The following ITSN1 variants were observed in gnomAD, a reference collection of about 807,000 sequenced individuals.
ITSN1 encodes the protein intersectin-1.
ITSN1 carries 58 observed loss-of-function variants against 239.8 expected under a neutral mutation model. The ratio of observed to expected loss-of-function variants is 0.24; its 90% CI spans 0.20 to 0.30. The LOEUF (loss-of-function observed/expected upper bound fraction) is 0.30, where lower values mean the gene tolerates loss of function less well. Ranked by LOEUF, ITSN1 falls within the 10% of genes least tolerant of loss-of-function variation. ITSN1 has a pLI of 1.00. For missense variants in ITSN1, 1,558 were observed against 2,103.3 expected, an observed-to-expected ratio of 0.74 and a Z score of 5.07; for synonymous variants, 780 against 770.8, an observed-to-expected ratio of 1.01 and a Z score of -0.20.
intron 1 of ITSN1, among the ~76,000 whole-genome samples, chr21:33,676,225 C>T (rs2090583058): frequency 6.6e-6 from 1 of 151,980 alleles, no homozygotes; most frequent in Non-Finnish European, 1.5e-5. Flanking sequence ...TTAGGTGATC[C>T]CTCCGCTTCG....
intron 28 of ITSN1, among the ~76,000 whole-genome samples, chr21:33,834,686 TTA>T (rs2074499789): frequency 6.6e-6 from 1 of 152,184 alleles, no homozygotes; most frequent in Non-Finnish European, 1.5e-5. Context: ...TGCTGTGGCA[TTA>T]AGGCCACATT....
intron 28 of ITSN1, 38 bp from the exon 29 acceptor site, chr21:33,836,403 C>T (rs369389684): frequency 4.0e-6 from 6 of 1,481,568 alleles, no homozygotes; most frequent in African/African-American, 2.8e-5. Context: ...CATTCTCCGG[C>T]GGGTGTGCAG....
At chr21:33,807,077 C>G (rs1267926680) in intron 20 of ITSN1, among the ~76,000 whole-genome samples, 1 of 152,148 alleles carries the variant, frequency 6.6e-6, no homozygotes, top group African/African-American at 2.4e-5. Context: ...TTGATGTATA[C>G]TTGTAAGAGT....
At chr21:33,848,022 C>CCA (rs1268916237) in intron 29 of ITSN1, among the ~76,000 whole-genome samples, 1 of 152,214 alleles carries the variant, frequency 6.6e-6, no homozygotes, top group Non-Finnish European at 1.5e-5. Context: ...AACTCCAGGG[C>CCA]CACAGCCCCG....
chr21:33,771,409 G>T (rs2069149003), intron 11 of ITSN1, among the ~76,000 whole-genome samples: 1 of 152,106 alleles, frequency 6.6e-6, no homozygotes, highest in South Asian at 2.1e-4. Context: ...AATAGACACT[G>T]CTGAGGACAG....
At chr21:33,811,641 A>G (rs138326676) in intron 21 of ITSN1, among the ~76,000 whole-genome samples, 7 of 152,348 alleles carry the variant, frequency 4.6e-5, no homozygotes, top group African/African-American at 1.7e-4. Context: ...GTGGTTCTGA[A>G]TAAGATAGAA....
intron 5 of ITSN1, among the ~76,000 whole-genome samples, chr21:33,741,430 A>C (rs938726820): frequency 6.6e-6 from 1 of 152,206 alleles, no homozygotes; most frequent in Non-Finnish European, 1.5e-5. Flanking sequence ...GGATATGTAA[A>C]GTTAATCTGA....
chr21:33,652,153 C>T (rs1024298585), intron 1 of ITSN1, among the ~76,000 whole-genome samples: 3 of 151,852 alleles, frequency 2.0e-5, no homozygotes, highest in South Asian at 2.1e-4. Flanking sequence ...CTACTTAGCC[C>T]GGGAGAGTTG....
intron 1 of ITSN1, among the ~76,000 whole-genome samples, chr21:33,655,072 A>G (rs927866084): frequency 6.6e-6 from 1 of 151,676 alleles, no homozygotes; most frequent in African/African-American, 2.4e-5. Flanking sequence ...TTTTCTCCAT[A>G]TAATAACATC....
chr21:33,658,566 C>T (rs895542407), intron 1 of ITSN1, among the ~76,000 whole-genome samples: 1 of 152,190 alleles, frequency 6.6e-6, no homozygotes, highest in Admixed American at 6.5e-5. Flanking sequence ...CTGTTACAAT[C>T]TTACGGGACC....
intron 1 of ITSN1, among the ~76,000 whole-genome samples, chr21:33,707,085 G>C (rs779307963): frequency 2.0e-5 from 3 of 152,084 alleles, no homozygotes; most frequent in Non-Finnish European, 4.4e-5. Context: ...TCTGTGTTGA[G>C]GCATATCAAG....
chr21:33,871,726 C>G (rs999847565), intron 33 of ITSN1, among the ~76,000 whole-genome samples: 1 of 146,798 alleles, frequency 6.8e-6, no homozygotes, highest in Non-Finnish European at 1.5e-5. Flanking sequence ...GGCGACAGAG[C>G]GAGACTCAGT....
intron 14 of ITSN1, among the ~76,000 whole-genome samples, chr21:33,777,838 A>G (rs540258902): frequency 6.6e-6 from 1 of 152,264 alleles, no homozygotes; most frequent in South Asian, 2.1e-4. Context: ...CTCCCATACT[A>G]TATTGGATAG....
chr21:33,732,915 A>C (rs142643578), intron 4 of ITSN1, among the ~76,000 whole-genome samples: 12 of 152,326 alleles, frequency 7.9e-5, no homozygotes, highest in African/African-American at 2.9e-4. Context: ...AATTTTATTA[A>C]AGGAAATAGT....
Position 33,873,858 on chromosome 21 carries a change from C to T in ITSN1, c.4174-1496C>T, listed in dbSNP as rs996148246. 1.7e-4 allele frequency among the ~76,000 whole-genome samples: 24 copies of T among 143,440 alleles called. 1 individual carries two copies. Among genetic ancestry groups the T allele is most frequent in the South Asian group, 4.4e-4 (2 of 4,554 alleles). 94.1% of individuals were successfully genotyped at this position (143,440 alleles called of 152,430 possible). A position where few individuals can be genotyped will look rare whatever the true frequency, so the allele number is the denominator to read the frequency against. Reference sequence around the variant, plus strand: ...CTGTTCTCCAGCCTGGGTGACAGAACGAGACAAAAAGAACATTTATGGCTG... The same window carrying T: ...CTGTTCTCCAGCCTGGGTGACAGAATGAGACAAAAAGAACATTTATGGCTG... On this transcript the variant is annotated intron_variant, in intron 33 of 39. Transcript: ENST00000381318.
intron 35 of ITSN1, among the ~76,000 whole-genome samples, chr21:33,883,340 C>T (rs1387240761): frequency 6.6e-6 from 1 of 152,184 alleles, no homozygotes; most frequent in East Asian, 1.9e-4. Context: ...AACACACACG[C>T]CCTTAGTCTG....
At chr21:33,688,857 A>AGTGCAGTG (rs59291688) in intron 1 of ITSN1, among the ~76,000 whole-genome samples, 6 of 147,840 alleles carry the variant, frequency 4.1e-5, no homozygotes, top group African/African-American at 1.0e-4. Flanking sequence ...CCCAGGCTGG[A>AGTGCAGTG]GTGCAGTGGT....
At chr21:33,653,274 C>T (rs1008477904) in intron 1 of ITSN1, among the ~76,000 whole-genome samples, 1 of 152,166 alleles carries the variant, frequency 6.6e-6, no homozygotes, top group Non-Finnish European at 1.5e-5. Flanking sequence ...GGATTACAGG[C>T]GTGAGCCACC....
chr21:33,743,702 A>G (rs1400533212), intron 5 of ITSN1, among the ~76,000 whole-genome samples: 1 of 152,248 alleles, frequency 6.6e-6, no homozygotes, highest in Non-Finnish European at 1.5e-5. Context: ...AAAAAGTCCA[A>G]CACTAAGATA....
Sources: gnomAD v4.1 joint callset for allele counts (sites outside exome capture counted in the v4.1 genomes callset) on GRCh38, gnomAD v4.1.1 for gene constraint, MANE v1.5 for transcripts, NCBI Gene and HGNC (gene_info 2026-07-23, HGNC 2026-07-21) for gene names.